Variants in BEND7 observed in about 807,000 individuals in gnomAD.
BEND7 encodes the protein BEN domain-containing protein 7.
BEND7 carries 28 observed loss-of-function variants against 50.9 expected under a neutral mutation model. The ratio of observed to expected loss-of-function variants is 0.55; its 90% confidence interval spans 0.41 to 0.75. The LOEUF (loss-of-function observed/expected upper bound fraction) is 0.75, where lower values mean the gene tolerates loss of function less well. Ranked by LOEUF, BEND7 falls within the 30% of genes least tolerant of loss-of-function variation. The probability of loss-of-function intolerance (pLI) is 0.00; values close to 1 mark genes in which losing one functional copy is unlikely to be tolerated. For synonymous variants in BEND7, 170 were observed against 183.9 expected (o/e 0.92, Z 0.61); for missense variants, 477 against 491.3 (o/e 0.97, Z 0.28).
At chr10:13,502,957 T>C in intron 2 of BEND7, 2 of 984,022 alleles carry the variant, frequency 2.0e-6, no homozygotes, top group Non-Finnish European at 2.4e-6. Context: ...GCCTCTGCTC[T>C]GTAGATATAA....
At chr10:13,486,121 C>T (rs1040080135) in intron 5 of BEND7, among the ~76,000 whole-genome samples, 1 of 152,174 alleles carries the variant, frequency 6.6e-6, no homozygotes, top group African/African-American at 2.4e-5. Flanking sequence ...TTCAGTGATC[C>T]TCCCTCCTCA....
At chr10:13,460,682 C>A (rs1588701406) in intron 6 of BEND7, among the ~76,000 whole-genome samples, 1 of 152,356 alleles carries the variant, frequency 6.6e-6, no homozygotes, top group East Asian at 1.9e-4. Flanking sequence ...CACACAGTCA[C>A]AAGTGATCTC....
intron 5 of BEND7, among the ~76,000 whole-genome samples, chr10:13,490,449 G>A (rs1649540259): frequency 6.6e-6 from 1 of 152,146 alleles, no homozygotes; most frequent in African/African-American, 2.4e-5. Flanking sequence ...GGGAATCCGG[G>A]GCTCACTTCC....
intron 4 of BEND7, among the ~76,000 whole-genome samples, chr10:13,496,558 G>C (rs2132105183): frequency 6.6e-6 from 1 of 152,300 alleles, no homozygotes; most frequent in East Asian, 1.9e-4. Flanking sequence ...AATTATATGA[G>C]CTGTATCAGT....
chr10:13,497,073 TTTATCTAA>T, intron 3 of BEND7, 185 bp from the exon 4 acceptor site: 1 of 731,164 alleles, frequency 1.4e-6, no homozygotes, highest in Non-Finnish European at 2.1e-6. Flanking sequence ...GGGGTCTGAC[TTTATCTAA>T]TTATCCAGGC....
At chr10:13,486,627 T>A (rs927749401) in intron 5 of BEND7, among the ~76,000 whole-genome samples, 3 of 152,320 alleles carry the variant, frequency 2.0e-5, no homozygotes, top group Admixed American at 6.5e-5. Flanking sequence ...GAATGTTGAA[T>A]GGGATAAAAA....
intron 2 of BEND7, among the ~76,000 whole-genome samples, chr10:13,503,134 T>C (rs2077602230): frequency 6.6e-6 from 1 of 152,202 alleles, no homozygotes; most frequent in African/African-American, 2.4e-5. Flanking sequence ...TGCATAACTT[T>C]GTATTTTCAT....
At chr10:13,439,465 C>G, downstream of BEND7, 2 of 1,612,898 alleles carry the variant, frequency 1.2e-6, no homozygotes, top group Non-Finnish European at 1.7e-6. Context: ...GCACTCCCAC[C>G]CGGCAGAACA....
At chr10:13,502,856 C>T in intron 2 of BEND7, 1 of 977,642 alleles carries the variant, frequency 1.0e-6, no homozygotes, top group East Asian at 1.1e-4. Flanking sequence ...GGGGCAGATA[C>T]CCACCCCGGC....
At chr10:13,515,986 G>A (rs1281267113) in intron 2 of BEND7, among the ~76,000 whole-genome samples, 1 of 152,224 alleles carries the variant, frequency 6.6e-6, no homozygotes, top group East Asian at 1.9e-4. Context: ...CATGGGACAA[G>A]CCTGCACAAG....
Position 13,442,994 on chromosome 10 carries a change from T to G in BEND7, c.1235-1244A>C, listed in dbSNP as rs532840347. 3 of 152,314 alleles carry G rather than the reference T, an allele frequency of 2.0e-5. No individual in the cohort carries two copies. In the South Asian group the frequency reaches 6.2e-4, roughly 32 times the overall value. The allele number at this position is 152,314 out of a possible 1,614,324, so 9.4% of individuals were successfully genotyped here. A position where few individuals can be genotyped will look rare whatever the true frequency, so the allele number is the denominator to read the frequency against. ...CTCCTTTATACTGCATCTAAGCAATTTACATTAAAATAAATACGTTTCAAA... is the reference window on the plus strand; with the variant it reads ...CTCCTTTATACTGCATCTAAGCAATGTACATTAAAATAAATACGTTTCAAA... On this transcript the variant is annotated intron_variant, in intron 8 of 8. Coordinates refer to ENST00000466271, the MANE Select transcript of BEND7 (RefSeq NM_001369863.1).
intron 1 of BEND7, among the ~76,000 whole-genome samples, chr10:13,526,982 G>C (rs932363920): frequency 2.0e-5 from 3 of 152,160 alleles, no homozygotes; most frequent in Admixed American, 2.0e-4. Context: ...TTGAAAAGCA[G>C]GGTCACTAAG....
At chr10:13,449,206 T>C (rs1837138513) in intron 7 of BEND7, among the ~76,000 whole-genome samples, 1 of 152,342 alleles carries the variant, frequency 6.6e-6, no homozygotes, top group Non-Finnish European at 1.5e-5. Flanking sequence ...ACATATGTTA[T>C]GTTTATATTT....
intron 7 of BEND7, among the ~76,000 whole-genome samples, chr10:13,447,971 C>A (rs972793460): frequency 2.0e-5 from 3 of 152,092 alleles, no homozygotes; most frequent in African/African-American, 7.2e-5. Context: ...GCCGGAACCA[C>A]TCCTGGGGGG....
intron 5 of BEND7, among the ~76,000 whole-genome samples, chr10:13,484,293 A>G (rs1034564806): frequency 6.6e-6 from 1 of 152,212 alleles, no homozygotes; most frequent in Admixed American, 6.5e-5. Context: ...TAAAAGAACA[A>G]AAGAGGGCAG....
chr10:13,453,473 A>G (rs1016943677), intron 6 of BEND7, among the ~76,000 whole-genome samples: 2 of 152,228 alleles, frequency 1.3e-5, no homozygotes, highest in African/African-American at 4.8e-5. Flanking sequence ...TTCTCTTAAA[A>G]AAAAGACAAA....
intron 2 of BEND7, among the ~76,000 whole-genome samples, chr10:13,508,181 C>A (rs2078029765): frequency 1.3e-5 from 2 of 152,172 alleles, no homozygotes; most frequent in Non-Finnish European, 2.9e-5. Flanking sequence ...CATTAACATG[C>A]AGATGCCATC....
chr10:13,514,344 C>T (rs2078500634), intron 2 of BEND7, among the ~76,000 whole-genome samples: 1 of 152,150 alleles, frequency 6.6e-6, no homozygotes, highest in Non-Finnish European at 1.5e-5. Flanking sequence ...GAGATAAACC[C>T]ACATCGGAGG....
At chr10:13,517,092 A>T (rs2078738430) in intron 2 of BEND7, among the ~76,000 whole-genome samples, 2 of 140,662 alleles carry the variant, frequency 1.4e-5, no homozygotes, top group South Asian at 4.5e-4. Flanking sequence ...TTGAGACAGG[A>T]TCTCACTTGT....
Sources: allele counts gnomAD v4.1 joint callset (sites outside exome capture counted in the v4.1 genomes callset), GRCh38; gene constraint gnomAD v4.1.1; transcripts MANE v1.5; gene names NCBI Gene and HGNC (gene_info 2026-07-23, HGNC 2026-07-21).